SEPTIN9: variants seen among roughly 807,000 people sequenced by gnomAD.
The protein encoded by SEPTIN9 is septin 9, also known as septin-9.
A neutral mutation model predicts 56.6 loss-of-function variants in SEPTIN9; 13 were observed. That is an observed-to-expected ratio of 0.23 (90% confidence interval 0.15 to 0.37). The LOEUF (loss-of-function observed/expected upper bound fraction) is 0.37. Among genes scored for constraint, SEPTIN9 ranks in the 10% least tolerant of loss-of-function variants. The pLI is 1.00. For missense variants in SEPTIN9, 650 were observed against 823.1 expected (o/e 0.79, Z 2.57); for synonymous variants, 332 against 334.1 (o/e 0.99, Z 0.07).
rs1460350879 is a variant in SEPTIN9 at position 77,434,265 on chromosome 17, CCT to C, written c.721+31563_721+31564del. Among the ~76,000 whole-genome samples, 1 of 152,134 alleles carries C rather than the reference CCT, an allele frequency of 6.6e-6. No homozygotes were observed. Among genetic ancestry groups the C allele is most frequent in the African/African-American group, 2.4e-5 (1 of 41,426 alleles). On this transcript the variant is annotated intron_variant, in intron 3 of 11. Transcript: ENST00000427177. The surrounding 1 kb of genome is among the most constrained non-coding windows in gnomAD (Gnocchi z 5.0). ...TCTGGCTCCAGGCCCAGCCCCAGCCCCTGTCAGACTTACCCTCCTTGTGCCTC... is the reference window on the plus strand; with the variant it reads ...TCTGGCTCCAGGCCCAGCCCCAGCCCGTCAGACTTACCCTCCTTGTGCCTC...
At chr17:77,365,037 C>T (rs750228877) in intron 2 of SEPTIN9, among the ~76,000 whole-genome samples, 2 of 152,216 alleles carry the variant, frequency 1.3e-5, no homozygotes, top group East Asian at 3.8e-4. Flanking sequence ...GCAGAAGAGA[C>T]GATGTCCCCA....
chr17:77,471,344 C>T (rs1036253519), intron 3 of SEPTIN9, among the ~76,000 whole-genome samples: 1 of 152,262 alleles, frequency 6.6e-6, no homozygotes, highest in Admixed American at 6.5e-5. Flanking sequence ...GGGGCAGCCT[C>T]TGCAGCATCC....
chr17:77,471,754 A>G (rs2039005996), intron 3 of SEPTIN9, among the ~76,000 whole-genome samples: 2 of 152,208 alleles, frequency 1.3e-5, no homozygotes, highest in African/African-American at 4.8e-5. Context: ...GAACTAAAGG[A>G]ATCTCTGGTT....
intron 3 of SEPTIN9, among the ~76,000 whole-genome samples, chr17:77,414,317 C>T (rs540295864): frequency 2.0e-5 from 3 of 152,082 alleles, no homozygotes; most frequent in Admixed American, 6.6e-5. Flanking sequence ...TCAGGTGATC[C>T]ACCCGCCTCA....
At chr17:77,311,436 C>G (rs1358206291) in intron 2 of SEPTIN9, among the ~76,000 whole-genome samples, 1 of 152,212 alleles carries the variant, frequency 6.6e-6, no homozygotes, top group Non-Finnish European at 1.5e-5. Context: ...CCCTCAAGCA[C>G]TGCAGGTGTC....
chr17:77,307,754 T>C (rs926606321), intron 2 of SEPTIN9, among the ~76,000 whole-genome samples: 12 of 152,322 alleles, frequency 7.9e-5, no homozygotes, highest in Admixed American at 6.5e-4. Flanking sequence ...GGGAAACAGA[T>C]GCACCCATCA....
In SEPTIN9 at chr17:77,315,695, C is replaced by T. The variant is rs147570916; in HGVS notation, c.76+8498C>T. Among the ~76,000 whole-genome samples the T allele has an allele frequency of 3.3e-5, 5 of 152,362 alleles. No homozygotes were observed. In the East Asian group the frequency reaches 9.6e-4, roughly 29 times the overall value. On this transcript the variant is annotated intron_variant, in intron 2 of 11. Coordinates refer to ENST00000427177, the MANE Select transcript of SEPTIN9 (RefSeq NM_001113491.2). ...GGGTTCCGGCCTTTCCAGAGCCCGGCCAGTGCTATTGGAGACAAAGTGGCC... is the reference window on the plus strand; with the variant it reads ...GGGTTCCGGCCTTTCCAGAGCCCGGTCAGTGCTATTGGAGACAAAGTGGCC...
chr17:77,472,983 A>G (rs888103583), intron 3 of SEPTIN9, among the ~76,000 whole-genome samples: 1 of 152,250 alleles, frequency 6.6e-6, no homozygotes, highest in African/African-American at 2.4e-5. Flanking sequence ...TGTTTGTAGT[A>G]GCTTGGGTAG....
intron 3 of SEPTIN9, among the ~76,000 whole-genome samples, chr17:77,412,287 C>A (rs2036332418): frequency 1.3e-5 from 2 of 152,150 alleles, no homozygotes; most frequent in African/African-American, 4.8e-5. Context: ...ATGCCCCTTA[C>A]CCCTGGCTGA....
chr17:77,467,059 G>A (rs909408145), intron 3 of SEPTIN9, among the ~76,000 whole-genome samples: 1 of 152,180 alleles, frequency 6.6e-6, no homozygotes, highest in South Asian at 2.1e-4. Context: ...CCGCTCTGCC[G>A]GTTCCCGAAT....
rs369857481 is a variant in SEPTIN9 at position 77,405,118 on chromosome 17, G to A, written c.721+2415G>A. On this transcript the variant is annotated intron_variant, in intron 3 of 11. Transcript: ENST00000427177. This position sits in a 1 kb window ranked among gnomAD's most constrained non-coding sequence, Gnocchi z 5.8. ...TGGCTGGTGCTGGATGCACAGGGACGTGGTCCTGGCTCTGGGGGACAGGTA... is the reference window on the plus strand; with the variant it reads ...TGGCTGGTGCTGGATGCACAGGGACATGGTCCTGGCTCTGGGGGACAGGTA... 9 of 1,535,378 alleles carry A rather than the reference G, an allele frequency of 5.9e-6. No individual in the cohort carries two copies. The East Asian group carries it at 9.8e-5, about 17-fold the overall frequency.
chr17:77,286,008 C>G (rs2143485867), intron 1 of SEPTIN9, among the ~76,000 whole-genome samples: 1 of 152,398 alleles, frequency 6.6e-6, no homozygotes, highest in African/African-American at 2.4e-5. Flanking sequence ...TCTTCCTCTT[C>G]TCCCCCAGCC....
At chr17:77,383,190 C>CTCCGTCCTTCTCTCCCTCCCTCCT (rs138566868) in intron 2 of SEPTIN9, among the ~76,000 whole-genome samples, 3 of 147,986 alleles carry the variant, frequency 2.0e-5, no homozygotes, top group Non-Finnish European at 4.5e-5. Context: ...CCTTCTCTCC[C>CTCCGTCCTTCTCTCCCTCCCTCCT]TCCCTCCCTC....
At position 77,400,299 on chromosome 17, in the gene SEPTIN9, C is replaced by T. The variant is rs1349651429; in HGVS notation, c.77-1760C>T. On this transcript the variant is annotated intron_variant, in intron 2 of 11. Coordinates refer to ENST00000427177, the MANE Select transcript of SEPTIN9 (RefSeq NM_001113491.2). This position sits in a 1 kb window ranked among gnomAD's most constrained non-coding sequence, Gnocchi z 4.1. ...TCTCTTGAGAAGTGAACAGCTCTGGCCACGCCGGGCCCATATCCTCTAGGG... is the reference window on the plus strand; with the variant it reads ...TCTCTTGAGAAGTGAACAGCTCTGGTCACGCCGGGCCCATATCCTCTAGGG... Among the ~76,000 whole-genome samples, 1 of 152,188 alleles carries T rather than the reference C, an allele frequency of 6.6e-6. No homozygotes were observed. Among genetic ancestry groups the T allele is most frequent in the Non-Finnish European group, 1.5e-5 (1 of 68,018 alleles).
chr17:77,463,845 AAAAT>A (rs1018222072), intron 3 of SEPTIN9, among the ~76,000 whole-genome samples: 3 of 152,222 alleles, frequency 2.0e-5, no homozygotes, highest in Non-Finnish European at 4.4e-5. Context: ...TCCATCTCAA[AAAAT>A]AAATAAATAA....
Position 77,373,771 on chromosome 17 carries a change from C to T in SEPTIN9, c.77-28288C>T, listed in dbSNP as rs568339565. 7.8e-5 allele frequency: 64 copies of T among 815,320 alleles called. No homozygotes were observed. In the African/African-American group the frequency reaches 9.1e-4, roughly 12 times the overall value. The allele number at this position is 815,320 out of a possible 1,614,324, so 50.5% of individuals were successfully genotyped here. On this transcript the variant is annotated intron_variant, in intron 2 of 11. Coordinates refer to ENST00000427177, the MANE Select transcript of SEPTIN9 (RefSeq NM_001113491.2). ...CCCTGTTAGGGGCACCCGCGTAGAC[C>T]CTGCGCGCCCTCACAGGACCCTGTG...
Position 77,475,700 on chromosome 17 carries a change from G to A in SEPTIN9, c.722-6444G>A, listed in dbSNP as rs1276751408. 6.2e-7 allele frequency: 1 copy of A among 1,613,598 alleles called. No homozygotes were observed. On this transcript the variant is annotated intron_variant, in intron 3 of 11. Transcript: ENST00000427177. The surrounding 1 kb of genome is among the most constrained non-coding windows in gnomAD (Gnocchi z 4.6). Reference sequence around the variant, plus strand: ...CCCACGCTGGGCCGGGGTGGATGGAGGCAAGGAAGTCTTCGCCGGGGCAAG... The same window carrying A: ...CCCACGCTGGGCCGGGGTGGATGGAAGCAAGGAAGTCTTCGCCGGGGCAAG...
In SEPTIN9 at chr17:77,327,531, G is replaced by C. The variant is rs1014344548; in HGVS notation, c.76+20334G>C. Among the ~76,000 whole-genome samples, 1 of 152,172 alleles carries C rather than the reference G, an allele frequency of 6.6e-6. No individual in the cohort carries two copies. The highest frequency in any genetic ancestry group is 2.4e-5 in the African/African-American group (1 of 41,442). The stretch of plus-strand genomic sequence containing the variant: ...GGTCCTGAAGGCCAGGGCAGGCAAG[G>C]CTGGCATGCTCTGGGCAGTGGGGGC... On this transcript the variant is annotated intron_variant, in intron 2 of 11. Coordinates refer to ENST00000427177, the MANE Select transcript of SEPTIN9 (RefSeq NM_001113491.2). This position sits in a 1 kb window ranked among gnomAD's most constrained non-coding sequence, Gnocchi z 5.0.
rs1180162764 is a variant in SEPTIN9 at position 77,319,880 on chromosome 17, G to A, written c.76+12683G>A. 1 of 1,094,650 alleles carries A rather than the reference G, an allele frequency of 9.1e-7. No individual in the cohort carries two copies. The highest frequency in any genetic ancestry group is 1.1e-6 in the Non-Finnish European group (1 of 897,510). 67.8% of individuals were successfully genotyped at this position (1,094,650 alleles called of 1,614,324 possible). A position where few individuals can be genotyped will look rare whatever the true frequency, so the allele number is the denominator to read the frequency against. ...AAGGAGCAGCAAGCCTCGGGGCGGC[G>A]GGGGCTGGAGGAGGTGGAGAGAGGA... is the stretch of plus-strand genomic sequence containing the variant. On this transcript the variant is annotated intron_variant, in intron 2 of 11. Coordinates refer to ENST00000427177, the MANE Select transcript of SEPTIN9 (RefSeq NM_001113491.2). The surrounding 1 kb of genome is among the most constrained non-coding windows in gnomAD (Gnocchi z 5.3).
Sources: gnomAD v4.1 joint callset for allele counts (sites outside exome capture counted in the v4.1 genomes callset) on GRCh38, gnomAD v4.1.1 for gene constraint, Gnocchi (gnomAD v3.1) non-coding constraint, MANE v1.5 for transcripts, NCBI Gene and HGNC (gene_info 2026-07-23, HGNC 2026-07-21) for gene names.